The following ZNF75D variants were observed in gnomAD, a reference collection of about 807,000 sequenced individuals.
The protein encoded by ZNF75D is zinc finger protein 75D, also known as zinc finger protein 75.
A neutral mutation model predicts 33.3 loss-of-function variants in ZNF75D; 33 were observed. The observed-to-expected ratio is 0.99, with a 90% confidence interval of 0.75 to 1.32. The LOEUF is 1.32. ZNF75D is among the 40% of genes most tolerant of loss of function. The pLI, the probability that ZNF75D is intolerant of heterozygous loss-of-function variation, is 0.00. For synonymous variants in ZNF75D, 113 were observed against 130.6 expected, an observed-to-expected ratio of 0.87 and a Z score of 0.92; for missense variants, 338 against 367.5, an observed-to-expected ratio of 0.92 and a Z score of 0.66.
rs187125690 is a variant in ZNF75D at position 135,334,887 on chromosome X, C to A, written c.-391+6881G>T. Reference sequence around the variant, plus strand: ...TTTCTTTTTAACCTCACATTTACCCCCAGGACCACAGTTATGAGGGAGCAC... The same window carrying A: ...TTTCTTTTTAACCTCACATTTACCCACAGGACCACAGTTATGAGGGAGCAC... On this transcript the variant is annotated intron_variant, in intron 1 of 6. Transcript: ENST00000370766. 3.3e-4 allele frequency among the ~76,000 whole-genome samples: 37 copies of A among 111,551 alleles called. No homozygotes were observed. In the East Asian group the frequency reaches 5.9e-3, roughly 18 times the overall value.
chrX:135,339,506 T>C (rs1441804201), intron 1 of ZNF75D, among the ~76,000 whole-genome samples: 1 of 112,159 alleles, frequency 8.9e-6, no homozygotes, highest in Non-Finnish European at 1.9e-5. Flanking sequence ...AGGGCAGGTC[T>C]CACTCCCAGA....
intron 1 of ZNF75D, among the ~76,000 whole-genome samples, chrX:135,301,206 G>C (rs2084214242): frequency 9.0e-6 from 1 of 111,302 alleles, no homozygotes; most frequent in Non-Finnish European, 1.9e-5. Context: ...GAACAGCATG[G>C]GGGAAACCAT....
intron 1 of ZNF75D, among the ~76,000 whole-genome samples, chrX:135,331,471 T>C (rs1242377328): frequency 5.5e-5 from 6 of 109,881 alleles, no homozygotes; most frequent in African/African-American, 2.0e-4. Context: ...TGTAGGCAAT[T>C]GGTCACTGAG....
intron 1 of ZNF75D, among the ~76,000 whole-genome samples, chrX:135,304,412 G>A (rs1556425376): frequency 9.0e-6 from 1 of 111,622 alleles, no homozygotes; most frequent in Admixed American, 9.5e-5. Context: ...TGTATTCCAC[G>A]TGCTGAGGAA....
intron 1 of ZNF75D, among the ~76,000 whole-genome samples, chrX:135,305,449 C>T (rs2084273684): frequency 8.9e-6 from 1 of 111,931 alleles, no homozygotes; most frequent in Non-Finnish European, 1.9e-5. Context: ...GCACCAACAG[C>T]CAAAAGACGA....
intron 1 of ZNF75D, among the ~76,000 whole-genome samples, chrX:135,317,484 T>C (rs1396327138): frequency 9.0e-6 from 1 of 111,288 alleles, no homozygotes; most frequent in African/African-American, 3.3e-5. Context: ...TAGAGGCATA[T>C]ATGGATCAGG....
chrX:135,320,802 T>G (rs1192490337), intron 1 of ZNF75D, among the ~76,000 whole-genome samples: 2 of 111,513 alleles, frequency 1.8e-5, no homozygotes, highest in Non-Finnish European at 3.8e-5. Flanking sequence ...TCCAATGCAT[T>G]ATGGGATTTG....
chrX:135,334,424 G>A (rs1172884420), intron 1 of ZNF75D, among the ~76,000 whole-genome samples: 1 of 111,942 alleles, frequency 8.9e-6, no homozygotes, highest in Non-Finnish European at 1.9e-5. Context: ...TGTGGAGCTT[G>A]ACCAACATCC....
At chrX:135,327,200 C>T (rs2084592511) in intron 1 of ZNF75D, among the ~76,000 whole-genome samples, 1 of 112,026 alleles carries the variant, frequency 8.9e-6, no homozygotes, top group Non-Finnish European at 1.9e-5. Context: ...AGTCCCCACC[C>T]TACCATTATA....
chrX:135,312,865 TCTTGA>T (rs1355889417), intron 1 of ZNF75D, among the ~76,000 whole-genome samples: 5 of 111,831 alleles, frequency 4.5e-5, no homozygotes, highest in East Asian at 2.8e-4. Flanking sequence ...GTTTTATTAT[TCTTGA>T]CTTGAGTTTC....
intron 1 of ZNF75D, among the ~76,000 whole-genome samples, chrX:135,302,537 G>A (rs1357723054): frequency 8.9e-6 from 1 of 112,667 alleles, no homozygotes; most frequent in Non-Finnish European, 1.9e-5. Context: ...GTAGCAGAGC[G>A]GGACTTAACC....
chrX:135,289,613 C>CAA, intron 6 of ZNF75D, among the ~76,000 whole-genome samples: 2 of 69,192 alleles, frequency 2.9e-5, no homozygotes, highest in East Asian at 9.8e-4. Flanking sequence ...GAGACTCTGA[C>CAA]ACACACACAC....
At chrX:135,289,637 C>CACACAG (rs2084009062) in intron 6 of ZNF75D, among the ~76,000 whole-genome samples, 1 of 54,144 alleles carries the variant, frequency 1.8e-5, no homozygotes, top group African/African-American at 4.6e-5. Flanking sequence ...GACACACACA[C>CACACAG]ACACACACAC....
At chrX:135,306,621 A>G (rs1320085818) in intron 1 of ZNF75D, among the ~76,000 whole-genome samples, 1 of 112,066 alleles carries the variant, frequency 8.9e-6, no homozygotes, top group Non-Finnish European at 1.9e-5. Context: ...TTGGGATTGC[A>G]CTGGATTTAC....
intron 1 of ZNF75D, among the ~76,000 whole-genome samples, chrX:135,280,208 T>C (rs2148464589): frequency 8.9e-6 from 1 of 112,451 alleles, no homozygotes; most frequent in East Asian, 2.8e-4. Flanking sequence ...TATCTCTTCT[T>C]GTTGCATTGA....
chrX:135,321,258 C>T (rs967748104), intron 1 of ZNF75D, among the ~76,000 whole-genome samples: 4 of 111,979 alleles, frequency 3.6e-5, no homozygotes, highest in Non-Finnish European at 7.5e-5. Flanking sequence ...TAATCACCTC[C>T]CAAAGGCCAC....
chrX:135,331,481 G>GA (rs1462415792), intron 1 of ZNF75D, among the ~76,000 whole-genome samples: 5 of 110,249 alleles, frequency 4.5e-5, no homozygotes, highest in Non-Finnish European at 9.5e-5. Flanking sequence ...TGGTCACTGA[G>GA]AAGTGAGAGC....
chrX:135,273,779 T>G (rs1352141483), intron 1 of ZNF75D, among the ~76,000 whole-genome samples: 3 of 111,960 alleles, frequency 2.7e-5, no homozygotes, highest in Non-Finnish European at 5.6e-5. Context: ...AATTTTCTCT[T>G]GCAGTTGCAA....
intron 1 of ZNF75D, chrX:135,330,698 A>G (rs781934170): frequency 8.9e-6 from 1 of 112,769 alleles, no homozygotes; most frequent in South Asian, 3.6e-4. Context: ...ATTTTTTTTA[A>G]AAAGTATTAG....
Sources: allele counts gnomAD v4.1 joint callset (sites outside exome capture counted in the v4.1 genomes callset), GRCh38; gene constraint gnomAD v4.1.1; transcripts MANE v1.5; gene names NCBI Gene and HGNC (gene_info 2026-07-23, HGNC 2026-07-21).